FUT8: variants seen among roughly 807,000 people sequenced by gnomAD.
The protein encoded by FUT8 is fucosyltransferase 8, also known as alpha-(1,6)-fucosyltransferase.
In FUT8, 29 loss-of-function variants were observed where a neutral mutation model predicts 71.3. The ratio of observed to expected loss-of-function variants is 0.41; its 90% CI spans 0.30 to 0.55. The LOEUF is 0.55. Among genes scored for constraint, FUT8 ranks in the 20% least tolerant of loss-of-function variants. FUT8 has a pLI of 0.34. For synonymous variants in FUT8, 254 were observed against 239.3 expected, an observed-to-expected ratio of 1.06 and a Z score of -0.57; for missense variants, 544 against 702.1, an observed-to-expected ratio of 0.77 and a Z score of 2.55.
chr14:65,740,770 G>A (rs558574834), intron 10 of FUT8, among the ~76,000 whole-genome samples: 7 of 151,938 alleles, frequency 4.6e-5, no homozygotes, highest in East Asian at 1.9e-4. Context: ...ATGAGAAACC[G>A]CCCCCATGAT....
At chr14:65,553,265 A>G (rs992783711) in intron 2 of FUT8, among the ~76,000 whole-genome samples, 1 of 152,172 alleles carries the variant, frequency 6.6e-6, no homozygotes, top group Non-Finnish European at 1.5e-5. Flanking sequence ...ATATAAAATT[A>G]TTAGTCTACT....
rs149247682 is a variant in FUT8 at position 65,720,749 on chromosome 14, T to G, written c.836-1026T>G. Among the ~76,000 whole-genome samples, 194 of 152,276 alleles carry G rather than the reference T, an allele frequency of 1.3e-3. 1 individual carries two copies. Among genetic ancestry groups the G allele is most frequent in the African/African-American group, 4.5e-3 (185 of 41,552 alleles). ...AAGTTCATTTAGGGCCCCAGGACAC[T>G]TCAGCCTATAGTGGTGCGGCTTGTT... On this transcript the variant is annotated intron_variant, in intron 7 of 10. Transcript: ENST00000673929.
chr14:65,495,988 A>G (rs1011082536), intron 2 of FUT8, among the ~76,000 whole-genome samples: 2 of 152,184 alleles, frequency 1.3e-5, no homozygotes, highest in African/African-American at 4.8e-5. Flanking sequence ...ATTTAGACAC[A>G]AAAAATTAAT....
At chr14:65,390,809 C>T in the FUT8 span, among the ~76,000 whole-genome samples, 4 of 151,496 alleles carry the variant, frequency 2.6e-5, no homozygotes, top group East Asian at 1.9e-4. Context: ...CAGCAACCTC[C>T]GCCTTCTGGG....
intron 2 of FUT8, among the ~76,000 whole-genome samples, chr14:65,487,504 A>G (rs1244802757): frequency 6.8e-6 from 1 of 147,716 alleles, no homozygotes; most frequent in African/African-American, 2.5e-5. Context: ...CAGAGGTTGC[A>G]GTGAGCAGAG....
In FUT8 at chr14:65,709,765, G is replaced by A. The variant is rs146209450; in HGVS notation, c.836-12010G>A. Among the ~76,000 whole-genome samples, 767 of 152,206 alleles carry A rather than the reference G, an allele frequency of 5.0e-3. 7 individuals carry two copies. The highest frequency in any genetic ancestry group is 0.018 in the African/African-American group (731 of 41,508). On this transcript the variant is annotated intron_variant, in intron 7 of 10. Transcript: ENST00000673929. ...AATCAATGTGTTATCCAACTGGCAC[G>A]TTTGGCAGGAGGAACCAAACGTGTG...
At chr14:65,715,325 T>C (rs1209052341) in intron 7 of FUT8, among the ~76,000 whole-genome samples, 1 of 152,266 alleles carries the variant, frequency 6.6e-6, no homozygotes, top group Non-Finnish European at 1.5e-5. Flanking sequence ...TCTGCATCAA[T>C]TGAAATGATC....
Position 65,660,001 on chromosome 14 carries a change from T to C in FUT8, c.598-9242T>C, listed in dbSNP as rs1891882730. Among the ~76,000 whole-genome samples the C allele has an allele frequency of 6.6e-6, 1 of 152,158 alleles. No individual in the cohort carries two copies. Among genetic ancestry groups the C allele is most frequent in the Admixed American group, 6.6e-5 (1 of 15,256 alleles). On this transcript the variant is annotated intron_variant, in intron 6 of 10. Coordinates refer to ENST00000673929, the MANE Select transcript of FUT8 (RefSeq NM_001371533.1). This position sits in a 1 kb window ranked among gnomAD's most constrained non-coding sequence, Gnocchi z 4.1. ...AGTTGAGGTGCTTGAGAAGATACAT[T>C]TTCTGTGCATTTATATAGGATTGTC... is the stretch of plus-strand genomic sequence containing the variant.
chr14:65,715,586 A>G (rs1412882377), intron 7 of FUT8, among the ~76,000 whole-genome samples: 1 of 152,156 alleles, frequency 6.6e-6, no homozygotes, highest in Non-Finnish European at 1.5e-5. Flanking sequence ...TTTGATGTAG[A>G]CACTTACTGC....
chr14:65,458,636 T>TA (rs1198986180), intron 2 of FUT8, among the ~76,000 whole-genome samples: 1 of 152,194 alleles, frequency 6.6e-6, no homozygotes, highest in Non-Finnish European at 1.5e-5. Context: ...TTAAAAGACT[T>TA]ACTGCAACTT....
intron 5 of FUT8, among the ~76,000 whole-genome samples, chr14:65,619,384 G>A (rs529904257): frequency 1.3e-5 from 2 of 152,196 alleles, no homozygotes; most frequent in East Asian, 3.9e-4. Context: ...AGTAGTCAGG[G>A]CACCATGTTT....
the FUT8 span, among the ~76,000 whole-genome samples, chr14:65,379,975 C>T: frequency 6.6e-6 from 1 of 152,200 alleles, no homozygotes; most frequent in African/African-American, 2.4e-5. Context: ...GGGCTCTGCC[C>T]TCGTGACTGA....
intron 6 of FUT8, among the ~76,000 whole-genome samples, chr14:65,639,218 A>C (rs996310899): frequency 6.6e-6 from 1 of 152,180 alleles, no homozygotes; most frequent in African/African-American, 2.4e-5. Context: ...GACTAAGGAC[A>C]TAGGCTGGTG....
At chr14:65,693,712 T>C (rs573201132) in intron 7 of FUT8, among the ~76,000 whole-genome samples, 1 of 152,384 alleles carries the variant, frequency 6.6e-6, no homozygotes, top group South Asian at 2.1e-4. Context: ...CATAGAATGA[T>C]TTAGGAAGGA....
intron 2 of FUT8, among the ~76,000 whole-genome samples, chr14:65,480,165 C>G (rs964119236): frequency 6.6e-6 from 1 of 151,902 alleles, no homozygotes; most frequent in African/African-American, 2.4e-5. Context: ...TAGTATCTGG[C>G]CCTAATTAGG....
chr14:65,618,723 G>A (rs1250261627), intron 5 of FUT8, among the ~76,000 whole-genome samples: 1 of 152,058 alleles, frequency 6.6e-6, no homozygotes, highest in East Asian at 1.9e-4. Context: ...TTTGCCTCTG[G>A]TAATTTTTAT....
chr14:65,454,377 G>A (rs1027790164), intron 1 of FUT8, among the ~76,000 whole-genome samples: 17 of 151,936 alleles, frequency 1.1e-4, no homozygotes, highest in African/African-American at 3.9e-4. Context: ...TTGCAATCCC[G>A]GCACTTTGGG....
upstream of FUT8, among the ~76,000 whole-genome samples, chr14:65,410,074 T>C (rs138125967): frequency 2.4e-3 from 372 of 152,336 alleles, 2 homozygotes; most frequent in African/African-American, 8.5e-3. Flanking sequence ...ACACAGATAC[T>C]TTCTGATGGC....
chr14:65,433,970 A>G (rs1201960368), intron 1 of FUT8, among the ~76,000 whole-genome samples: 1 of 152,084 alleles, frequency 6.6e-6, no homozygotes, highest in Non-Finnish European at 1.5e-5. Flanking sequence ...AGCTATTTCT[A>G]CCTCTTTCAA....
Sources: gnomAD v4.1 joint callset for allele counts (sites outside exome capture counted in the v4.1 genomes callset) on GRCh38, gnomAD v4.1.1 for gene constraint, Gnocchi (gnomAD v3.1) non-coding constraint, MANE v1.5 for transcripts, NCBI Gene and HGNC (gene_info 2026-07-23, HGNC 2026-07-21) for gene names.